SNTB1: variants seen among roughly 807,000 people sequenced by gnomAD.
The protein encoded by SNTB1 is beta-1-syntrophin.
A neutral mutation model predicts 48.9 loss-of-function variants in SNTB1; 36 were observed. The ratio of observed to expected loss-of-function variants is 0.74; its 90% CI spans 0.56 to 0.97. SNTB1 has a LOEUF of 0.97. Ranked by LOEUF, SNTB1 falls within the 50% of genes least tolerant of loss-of-function variation. SNTB1 has a pLI of 0.00. For synonymous variants in SNTB1, 299 were observed against 294.6 expected (o/e 1.01, Z -0.15); for missense variants, 786 against 703.4 (o/e 1.12, Z -1.33).
chr8:120,586,449 G>A (rs1299245092), intron 3 of SNTB1, among the ~76,000 whole-genome samples: 1 of 152,010 alleles, frequency 6.6e-6, no homozygotes, highest in Non-Finnish European at 1.5e-5. Context: ...CCTGCTTCCG[G>A]GTCCCCCACA....
chr8:120,541,795 G>A lies in SNTB1; in HGVS notation c.1524+15C>T, dbSNP rs1260742616. 6.3e-7 allele frequency: 1 copy of A among 1,587,348 alleles called. No individual in the cohort carries two copies. Among genetic ancestry groups the A allele is most frequent in the Non-Finnish European group, 8.6e-7 (1 of 1,163,794 alleles). On this transcript the variant is annotated intron_variant, in intron 6 of 6. Transcript: ENST00000517992. ...AATATATGAAATCACACTGTCTAAAGAAAAGTACACTTACAATCTCTCCAT... is the reference window on the plus strand; with the variant it reads ...AATATATGAAATCACACTGTCTAAAAAAAAGTACACTTACAATCTCTCCAT...
intron 3 of SNTB1, among the ~76,000 whole-genome samples, chr8:120,581,852 CCAA>C (rs1307859666): frequency 6.6e-6 from 1 of 152,000 alleles, no homozygotes; most frequent in Non-Finnish European, 1.5e-5. Context: ...GCCAGCCTGG[CCAA>C]CAAGATGAAA....
chr8:120,758,834 A>T (rs1180002775), intron 1 of SNTB1, among the ~76,000 whole-genome samples: 1 of 152,174 alleles, frequency 6.6e-6, no homozygotes, highest in Non-Finnish European at 1.5e-5. Flanking sequence ...GTTGTGATTA[A>T]TTAATAAAGA....
chr8:120,633,936 AT>A (rs150359910), intron 2 of SNTB1, among the ~76,000 whole-genome samples: 1 of 152,052 alleles, frequency 6.6e-6, no homozygotes, highest in East Asian at 1.9e-4. Context: ...GTTCTATGCC[AT>A]TTTTTTCACG....
chr8:120,606,021 A>G (rs1284693954), intron 3 of SNTB1, among the ~76,000 whole-genome samples: 1 of 152,058 alleles, frequency 6.6e-6, no homozygotes, highest in African/African-American at 2.4e-5. Context: ...CCTTTGTGGA[A>G]TGCACAAACT....
At chr8:120,553,385 T>C (rs188654776) in intron 4 of SNTB1, among the ~76,000 whole-genome samples, 53 of 152,340 alleles carry the variant, frequency 3.5e-4, no homozygotes, top group Admixed American at 1.0e-3. Context: ...GTACTGTATG[T>C]AAACTCTGAG....
chr8:120,636,819 C>CT (rs1370153747), intron 2 of SNTB1: 3 of 167,648 alleles, frequency 1.8e-5, no homozygotes, highest in Non-Finnish European at 4.0e-5. Flanking sequence ...AATCGCCACA[C>CT]TGACTTCCAC....
rs145406307 is a variant in SNTB1, at chr8:120,691,468, G to A, written c.788+2224C>T. On this transcript the variant is annotated intron_variant, in intron 2 of 6. Transcript: ENST00000517992. Reference sequence around the variant, plus strand: ...AAGAAACTCAGAGAGCTGTTAAGAGGACTAAGCAGGGTTACAAATTCAAAG... The same window carrying A: ...AAGAAACTCAGAGAGCTGTTAAGAGAACTAAGCAGGGTTACAAATTCAAAG... 2.7e-3 allele frequency among the ~76,000 whole-genome samples: 404 copies of A among 152,280 alleles called. 5 individuals are homozygous for A. The Middle Eastern group carries it at 0.068, about 26-fold the overall frequency.
At chr8:120,616,076 C>G (rs183231490) in intron 3 of SNTB1, among the ~76,000 whole-genome samples, 1 of 152,254 alleles carries the variant, frequency 6.6e-6, no homozygotes, top group East Asian at 1.9e-4. Flanking sequence ...TCCTGGAGGA[C>G]AACAAACTCT....
intron 1 of SNTB1, among the ~76,000 whole-genome samples, chr8:120,763,253 A>C (rs770420855): frequency 2.4e-4 from 36 of 152,216 alleles, no homozygotes; most frequent in Non-Finnish European, 4.3e-4. Context: ...TTCTTCTTGG[A>C]AAGTAGATAG....
At chr8:120,608,161 T>C (rs112756578) in intron 3 of SNTB1, among the ~76,000 whole-genome samples, 2,904 of 152,238 alleles carry the variant, frequency 0.019, 104 homozygotes, top group African/African-American at 0.066. Flanking sequence ...TACACAGAAT[T>C]CCCAAATTAA....
chr8:120,662,602 C>A (rs1221229857), intron 2 of SNTB1, among the ~76,000 whole-genome samples: 1 of 152,096 alleles, frequency 6.6e-6, no homozygotes, highest in African/African-American at 2.4e-5. Flanking sequence ...GTGTGTGCTG[C>A]CAGGGAGACC....
intron 3 of SNTB1, among the ~76,000 whole-genome samples, chr8:120,583,554 C>CAA (rs1470900602): frequency 2.3e-4 from 24 of 102,364 alleles, no homozygotes; most frequent in African/African-American, 7.3e-4. Context: ...CACACACACA[C>CAA]ACACACAAAA....
chr8:120,552,757 T>C (rs1218559756), intron 4 of SNTB1, among the ~76,000 whole-genome samples: 2 of 152,150 alleles, frequency 1.3e-5, no homozygotes, highest in Non-Finnish European at 2.9e-5. Flanking sequence ...TTGGGATGAT[T>C]CAAGCGCATT....
At chr8:120,748,520 G>A (rs1302469271) in intron 1 of SNTB1, among the ~76,000 whole-genome samples, 2 of 152,058 alleles carry the variant, frequency 1.3e-5, no homozygotes, top group East Asian at 1.9e-4. Flanking sequence ...CATGGATCAG[G>A]GGGACTTTGA....
rs1479888823 is a variant in SNTB1 at position 120,812,023 on chromosome 8, A to G, written c.-180T>C. 2 of 1,264,432 alleles carry G rather than the reference A, an allele frequency of 1.6e-6. No individual in the cohort carries two copies. Among genetic ancestry groups the G allele is most frequent in the African/African-American group, 1.6e-5 (1 of 63,774 alleles). 78.3% of individuals were successfully genotyped at this position (1,264,432 alleles called of 1,614,324 possible). ...GCACTCGGCGGGAGTTGGCAGCTGC[A>G]CTCAGGCTGGTTCCCCCTCGCCTGA... On this transcript the variant is annotated 5_prime_UTR_variant, in exon 1 of 7. Coordinates refer to ENST00000517992, the MANE Select transcript of SNTB1 (RefSeq NM_021021.4).
chr8:120,587,108 C>T (rs1205538189), intron 3 of SNTB1, among the ~76,000 whole-genome samples: 1 of 152,136 alleles, frequency 6.6e-6, no homozygotes, highest in Non-Finnish European at 1.5e-5. Flanking sequence ...GTAATTTCAG[C>T]TACTTGGGAG....
intron 2 of SNTB1, among the ~76,000 whole-genome samples, chr8:120,685,340 C>T (rs1020978242): frequency 3.3e-5 from 5 of 152,212 alleles, no homozygotes; most frequent in Non-Finnish European, 5.9e-5. Flanking sequence ...CCCCACACGG[C>T]GTCCTTTGAA....
In SNTB1 at chr8:120,548,781, G is replaced by A. The variant is rs1199637852; in HGVS notation, c.1314C>T (p.Leu438=). 5.6e-6 allele frequency: 9 copies of A among 1,613,966 alleles called. No individual in the cohort carries two copies. Among genetic ancestry groups the A allele is most frequent in the Non-Finnish European group, 7.6e-6 (9 of 1,179,984 alleles). ...ACTCACCAGTGCTGATTTCAGCAAT[G>A]AGTTCAGCAGAATTGTGGCAACCCT... ...IVQGCHNSAE[L]IAEISTACTY... The change falls in exon 5 of 7, where the codon CTC becomes CTT. Residue 438 remains leucine (L), a synonymous_variant. Transcript: ENST00000517992.
Sources: gnomAD v4.1 joint callset for allele counts (sites outside exome capture counted in the v4.1 genomes callset) on GRCh38, gnomAD v4.1.1 for gene constraint, MANE v1.5 for transcripts, NCBI Gene and HGNC (gene_info 2026-07-23, HGNC 2026-07-21) for gene names.